Variants in MARCHF3 observed in about 807,000 individuals in gnomAD.
The protein encoded by MARCHF3 is E3 ubiquitin-protein ligase MARCHF3.
Under a neutral mutation model 24.2 loss-of-function variants are expected in MARCHF3, and 13 were observed. The observed-to-expected ratio is 0.54, with a 90% confidence interval of 0.35 to 0.85. The LOEUF is 0.85. Among genes scored for constraint, MARCHF3 ranks in the 40% least tolerant of loss-of-function variants. The probability of loss-of-function intolerance (pLI) is 0.01; values close to 1 mark genes in which losing one functional copy is unlikely to be tolerated. For missense variants in MARCHF3, 276 were observed against 325.0 expected, an observed-to-expected ratio of 0.85 and a Z score of 1.16; for synonymous variants, 144 against 137.3, an observed-to-expected ratio of 1.05 and a Z score of -0.34.
chr5:126,916,688 GACAGACAC>G (rs894789477), intron 2 of MARCHF3, among the ~76,000 whole-genome samples: 8 of 76,442 alleles, frequency 1.0e-4, no homozygotes, highest in African/African-American at 3.1e-4. Context: ...CAGACAGACA[GACAGACAC>G]ACACACACAC....
chr5:126,947,147 A>C (rs1750052323), intron 1 of MARCHF3, among the ~76,000 whole-genome samples: 1 of 152,138 alleles, frequency 6.6e-6, no homozygotes. Context: ...CCCCATGTTG[A>C]TTTAGTTTCC....
chr5:127,028,438 G>C (rs1424754773), intron 1 of MARCHF3, among the ~76,000 whole-genome samples: 3 of 152,066 alleles, frequency 2.0e-5, no homozygotes, highest in African/African-American at 7.3e-5. Flanking sequence ...TGCAACTAGT[G>C]ATTAGACTGA....
At chr5:126,877,254 A>G (rs1249246266) in intron 4 of MARCHF3, among the ~76,000 whole-genome samples, 1 of 152,212 alleles carries the variant, frequency 6.6e-6, no homozygotes, top group Admixed American at 6.5e-5. Flanking sequence ...CAGCTTCCAC[A>G]TGCTGACACT....
chr5:127,024,800 T>C (rs917914784), intron 1 of MARCHF3, among the ~76,000 whole-genome samples: 1 of 152,230 alleles, frequency 6.6e-6, no homozygotes, highest in Non-Finnish European at 1.5e-5. Context: ...TTCCCAATTA[T>C]GAGTTCTCTT....
chr5:126,870,741 A>T lies in MARCHF3; in HGVS notation c.654T>A (p.Asn218Lys), dbSNP rs1310442449. 5 of 1,614,166 alleles carry T rather than the reference A, an allele frequency of 3.1e-6. No individual in the cohort carries two copies. The highest frequency in any genetic ancestry group is 4.2e-6 in the Non-Finnish European group (5 of 1,179,990). Residue 218 changes from asparagine to lysine, a missense_variant, in exon 5 of 5, where the codon AAT becomes AAA. Asn to Lys is a moderately conservative substitution (Grantham distance 94). Coordinates refer to ENST00000308660, the MANE Select transcript of MARCHF3 (RefSeq NM_178450.5). ...CRLYNEWRRTNQRVILLIPKS... is the reference protein window; with the variant it reads ...CRLYNEWRRTKQRVILLIPKS... Reference sequence around the variant, plus strand: ...TTGGAATGAGGAGAATCACCCTCTGATTGGTCCGACGCCACTCGTTGTACA... The same window carrying T: ...TTGGAATGAGGAGAATCACCCTCTGTTTGGTCCGACGCCACTCGTTGTACA...
intron 3 of MARCHF3, among the ~76,000 whole-genome samples, chr5:126,898,411 A>C (rs1286495238): frequency 6.6e-6 from 1 of 152,148 alleles, no homozygotes; most frequent in Non-Finnish European, 1.5e-5. Flanking sequence ...GCATGTCTTA[A>C]AAACAGCTGA....
intron 3 of MARCHF3, among the ~76,000 whole-genome samples, chr5:126,914,231 C>T (rs1489511400): frequency 1.5e-4 from 23 of 151,952 alleles, no homozygotes; most frequent in Admixed American, 1.4e-3. Flanking sequence ...GATCCGCCCA[C>T]CTCGGCCTCC....
chr5:126,965,753 T>C (rs1690777511), intron 1 of MARCHF3, among the ~76,000 whole-genome samples: 1 of 152,076 alleles, frequency 6.6e-6, no homozygotes. Context: ...GTCAAGGTCA[T>C]GGATTTTAAG....
intron 1 of MARCHF3, among the ~76,000 whole-genome samples, chr5:126,921,042 C>A (rs1248792898): frequency 2.0e-5 from 3 of 151,394 alleles, no homozygotes; most frequent in East Asian, 1.9e-4. Flanking sequence ...TCTGCAGAAC[C>A]CTGCATCCAA....
intron 1 of MARCHF3, among the ~76,000 whole-genome samples, chr5:126,937,724 C>G (rs1457891739): frequency 6.6e-6 from 1 of 152,158 alleles, no homozygotes; most frequent in East Asian, 1.9e-4. Context: ...ATATACTATG[C>G]AAGGTGACCT....
rs865930577 is a variant in MARCHF3, at chr5:126,892,226, G to T, written c.394-13832C>A. Among the ~76,000 whole-genome samples the T allele has an allele frequency of 4.2e-3, 604 of 142,288 alleles. 7 individuals are homozygous for T. Among genetic ancestry groups the T allele is most frequent in the African/African-American group, 0.015 (586 of 38,312 alleles). The allele number at this position is 142,288 out of a possible 152,430, so 93.3% of individuals were successfully genotyped here. A position where few individuals can be genotyped will look rare whatever the true frequency, so the allele number is the denominator to read the frequency against. On this transcript the variant is annotated intron_variant, in intron 3 of 4. Coordinates refer to ENST00000308660, the MANE Select transcript of MARCHF3 (RefSeq NM_178450.5). The stretch of plus-strand genomic sequence containing the variant: ...GGTTTTCTAGATATACAATCATGTC[G>T]TCTGCAAACAGGGACAATTTGACTT...
intron 1 of MARCHF3, among the ~76,000 whole-genome samples, chr5:126,957,647 C>T (rs990903298): frequency 6.6e-5 from 10 of 152,050 alleles, no homozygotes; most frequent in Non-Finnish European, 1.5e-4. Flanking sequence ...TGAATCTGTT[C>T]CTAGATTCTG....
chr5:127,008,176 C>A (rs994709724), intron 1 of MARCHF3, among the ~76,000 whole-genome samples: 2 of 152,192 alleles, frequency 1.3e-5, no homozygotes, highest in African/African-American at 4.8e-5. Context: ...GTTTATCTTG[C>A]AAACTCCACT....
At chr5:127,026,201 G>A (rs1183595512) in intron 1 of MARCHF3, among the ~76,000 whole-genome samples, 2 of 152,142 alleles carry the variant, frequency 1.3e-5, no homozygotes, top group Admixed American at 1.3e-4. Context: ...TTGTAACTGG[G>A]CAGAAATCAG....
intron 1 of MARCHF3, among the ~76,000 whole-genome samples, chr5:127,025,973 C>T (rs544123649): frequency 1.3e-5 from 2 of 151,724 alleles, no homozygotes; most frequent in East Asian, 1.9e-4. Context: ...AGAGGGCAGA[C>T]TGATTTAAAA....
intron 1 of MARCHF3, among the ~76,000 whole-genome samples, chr5:126,984,268 T>C (rs553407688): frequency 1.3e-5 from 2 of 152,294 alleles, no homozygotes; most frequent in African/African-American, 4.8e-5. Context: ...AGATACTCTA[T>C]ATTCAGAGAA....
chr5:126,915,179 C>T (rs937428881), intron 2 of MARCHF3, 45 bp from the exon 3 acceptor site: 1 of 1,591,150 alleles, frequency 6.3e-7, no homozygotes, highest in Middle Eastern at 2.2e-4. Context: ...GGCTGGAAAC[C>T]TCCACCAAGT....
At chr5:126,914,581 G>A (rs933475540) in intron 3 of MARCHF3, 2 of 376,590 alleles carry the variant, frequency 5.3e-6, no homozygotes, top group Non-Finnish European at 9.8e-6. Context: ...GGCAGATGGT[G>A]CGCAAGGAGA....
intron 4 of MARCHF3, 46 bp downstream of exon 4, chr5:126,878,139 C>T (rs1321625178): frequency 1.3e-6 from 2 of 1,588,120 alleles, no homozygotes; most frequent in East Asian, 2.2e-5. Flanking sequence ...AGCTGTGAGG[C>T]TGCCAGCTCC....
Sources: allele counts gnomAD v4.1 joint callset (sites outside exome capture counted in the v4.1 genomes callset), GRCh38; gene constraint gnomAD v4.1.1; transcripts MANE v1.5; gene names NCBI Gene and HGNC (gene_info 2026-07-23, HGNC 2026-07-21).